The following MACROD1 variants were observed in gnomAD, a reference collection of about 807,000 sequenced individuals.
MACROD1 encodes the protein mono-ADP ribosylhydrolase 1.
In MACROD1, 31 loss-of-function variants were observed where a neutral mutation model predicts 41.4. The observed-to-expected ratio is 0.75, with a 90% confidence interval of 0.56 to 1.01. The LOEUF is 1.01. Among genes scored for constraint, MACROD1 ranks in the 50% least tolerant of loss-of-function variants. The probability of loss-of-function intolerance (pLI) is 0.00; values close to 1 mark genes in which losing one functional copy is unlikely to be tolerated. For missense variants in MACROD1, 473 were observed against 460.0 expected (o/e 1.03, Z -0.26); for synonymous variants, 252 against 203.4 (o/e 1.24, Z -2.03).
chr11:64,039,568 C>A (rs976495946), intron 3 of MACROD1, among the ~76,000 whole-genome samples: 1 of 152,092 alleles, frequency 6.6e-6, no homozygotes, highest in African/African-American at 2.4e-5. Context: ...ACTGGATGGC[C>A]GGGAGGAGAC....
intron 3 of MACROD1, among the ~76,000 whole-genome samples, chr11:64,144,887 C>T (rs780497679): frequency 4.6e-5 from 7 of 152,284 alleles, no homozygotes; most frequent in Non-Finnish European, 8.8e-5. Context: ...AGGCAGTCCG[C>T]ATCCCTGCGG....
chr11:64,024,012 C>T (rs553420875), intron 3 of MACROD1, among the ~76,000 whole-genome samples: 9 of 152,188 alleles, frequency 5.9e-5, no homozygotes, highest in Admixed American at 2.0e-4. Flanking sequence ...CCCAAGCTGT[C>T]CCCTAAACCC....
chr11:64,114,592 A>G (rs1944940197), intron 3 of MACROD1, among the ~76,000 whole-genome samples: 1 of 138,590 alleles, frequency 7.2e-6, no homozygotes, highest in African/African-American at 2.8e-5. Context: ...TGCATGATGG[A>G]AGGATGGTGG....
intron 3 of MACROD1, among the ~76,000 whole-genome samples, chr11:64,037,770 G>A (rs1943410667): frequency 1.3e-5 from 2 of 152,202 alleles, no homozygotes; most frequent in East Asian, 1.9e-4. Context: ...CAAGGCAGCT[G>A]TGGCCTGCTG....
chr11:64,165,716 G>T lies in MACROD1; in HGVS notation c.279C>A (p.Thr93=). The T allele has an allele frequency of 6.8e-7, 1 of 1,472,278 alleles. No individual in the cohort carries two copies. The highest frequency in any genetic ancestry group is 2.7e-5 in the East Asian group (1 of 36,516). 91.2% of individuals were successfully genotyped at this position (1,472,278 alleles called of 1,614,324 possible). A position where few individuals can be genotyped will look rare whatever the true frequency, so the allele number is the denominator to read the frequency against. Residue 93 remains threonine (T), a synonymous_variant, in exon 1 of 11, where the codon ACC becomes ACA. Coordinates refer to ENST00000255681, the MANE Select transcript of MACROD1 (RefSeq NM_014067.4). ...ACTTACATTTCGCCTCCTTCCAGTC[G>T]GTGGAGGTGCTCAGGTCCACCTTCG... ...MAAKVDLSTS[T]DWKEAKSFLK... is the part of the protein sequence containing the mutation.
chr11:64,114,844 G>A (rs2134609794), intron 3 of MACROD1, among the ~76,000 whole-genome samples: 1 of 152,290 alleles, frequency 6.6e-6, no homozygotes, highest in South Asian at 2.1e-4. Flanking sequence ...CTTTATCTGG[G>A]GCCTCAGGAA....
intron 3 of MACROD1, among the ~76,000 whole-genome samples, chr11:64,080,398 G>A (rs1022048284): frequency 1.3e-5 from 2 of 152,160 alleles, no homozygotes; most frequent in African/African-American, 4.8e-5. Flanking sequence ...CCCCTTCAAC[G>A]TGTAGAATTC....
chr11:64,022,672 A>G (rs1943173448), intron 3 of MACROD1, among the ~76,000 whole-genome samples: 1 of 152,148 alleles, frequency 6.6e-6, no homozygotes, highest in South Asian at 2.1e-4. Context: ...AAGCTGTGAG[A>G]GCAGTTGCTT....
At chr11:64,048,180 C>G (rs895978315) in intron 3 of MACROD1, among the ~76,000 whole-genome samples, 2 of 152,236 alleles carry the variant, frequency 1.3e-5, no homozygotes, top group African/African-American at 4.8e-5. Flanking sequence ...ACTGGCCTCT[C>G]AGACAGACAG....
chr11:64,047,374 C>T (rs1289439053), intron 3 of MACROD1, among the ~76,000 whole-genome samples: 8 of 152,120 alleles, frequency 5.3e-5, no homozygotes, highest in Admixed American at 2.0e-4. Context: ...AGTCACTGGG[C>T]CAAGGTCACC....
intron 4 of MACROD1, among the ~76,000 whole-genome samples, chr11:64,006,565 C>G (rs1001120181): frequency 2.6e-5 from 4 of 152,218 alleles, no homozygotes; most frequent in Non-Finnish European, 5.9e-5. Flanking sequence ...ATGTACACAA[C>G]GGCAGTGCCT....
At chr11:64,070,078 C>T (rs1944078761) in intron 3 of MACROD1, among the ~76,000 whole-genome samples, 1 of 152,170 alleles carries the variant, frequency 6.6e-6, no homozygotes, top group African/African-American at 2.4e-5. Context: ...TCTTAATCCT[C>T]AGGGCAGCAT....
chr11:64,035,987 C>T (rs1237267362), intron 3 of MACROD1: 4 of 149,990 alleles, frequency 2.7e-5, no homozygotes, highest in Non-Finnish European at 3.0e-5. Context: ...CCGCCGCGCG[C>T]CCCCCGCTCC....
rs747252134 is a variant in MACROD1, at chr11:64,120,408, C to T, written c.517+30831G>A. ...GTCTGTATAAAAGGCAGCCCCAGGC[C>T]GGGTGCAGTGGCTCACGCCTGTAAT... is the stretch of plus-strand genomic sequence containing the variant. On this transcript the variant is annotated intron_variant, in intron 3 of 10. Coordinates refer to ENST00000255681, the MANE Select transcript of MACROD1 (RefSeq NM_014067.4). The surrounding 1 kb of genome is among the most constrained non-coding windows in gnomAD (Gnocchi z 4.5). Among the ~76,000 whole-genome samples the T allele has an allele frequency of 3.3e-5, 5 of 152,202 alleles. No individual in the cohort carries two copies. Among genetic ancestry groups the T allele is most frequent in the Non-Finnish European group, 5.9e-5 (4 of 68,046 alleles).
In MACROD1 at chr11:64,151,284, G is replaced by GGAGCAGGGAGATTTTCTCATT; in HGVS notation, c.451_471dup (p.Asn151_Leu157dup). ...ACCTCCAGCTTGGTGATGTCGCTGC[G>GGAGCAGGGAGATTTTCTCATT]GAGCAGGGAGATTTTCTCATTGAGC... On this transcript the variant is annotated inframe_insertion, in exon 3 of 11. Transcript: ENST00000255681. The GGAGCAGGGAGATTTTCTCATT allele has an allele frequency of 6.2e-7, 1 of 1,613,946 alleles. No individual in the cohort carries two copies. Among genetic ancestry groups the GGAGCAGGGAGATTTTCTCATT allele is most frequent in the Non-Finnish European group, 8.5e-7 (1 of 1,180,034 alleles).
intron 3 of MACROD1, among the ~76,000 whole-genome samples, chr11:64,055,906 G>A (rs1943776773): frequency 6.6e-6 from 1 of 152,216 alleles, no homozygotes; most frequent in South Asian, 2.1e-4. Context: ...GCAGGGCACA[G>A]CAGGTGAGGG....
chr11:64,123,510 G>A (rs1057039832), intron 3 of MACROD1, among the ~76,000 whole-genome samples: 1 of 143,818 alleles, frequency 7.0e-6, no homozygotes, highest in East Asian at 2.2e-4. Context: ...CTGCATAGCA[G>A]GGACTTTCTG....
At chr11:64,027,304 C>T (rs320129) in intron 3 of MACROD1, among the ~76,000 whole-genome samples, 1 of 152,052 alleles carries the variant, frequency 6.6e-6, no homozygotes, top group South Asian at 2.1e-4. Flanking sequence ...CAGGGTTGGT[C>T]TTGCCCTTTA....
At chr11:64,035,279 G>A (rs986011895) in intron 3 of MACROD1, among the ~76,000 whole-genome samples, 8 of 152,010 alleles carry the variant, frequency 5.3e-5, no homozygotes, top group African/African-American at 1.7e-4. Context: ...TACAGCACGC[G>A]GCGGATGAGA....
Sources: allele counts gnomAD v4.1 joint callset (sites outside exome capture counted in the v4.1 genomes callset), GRCh38; gene constraint gnomAD v4.1.1; non-coding constraint Gnocchi (gnomAD v3.1); transcripts MANE v1.5; gene names NCBI Gene and HGNC (gene_info 2026-07-23, HGNC 2026-07-21).